RASGEF1A: variants seen among roughly 807,000 people sequenced by gnomAD.
The protein encoded by RASGEF1A is RasGEF domain family member 1A.
A neutral mutation model predicts 56.4 loss-of-function variants in RASGEF1A; 18 were observed. That is an observed-to-expected ratio of 0.32 (90% CI 0.22 to 0.47). The LOEUF (loss-of-function observed/expected upper bound fraction) is 0.47, where lower values mean the gene tolerates loss of function less well. Ranked by LOEUF, RASGEF1A falls within the 20% of genes least tolerant of loss-of-function variation. The probability of loss-of-function intolerance (pLI) is 1.00; values close to 1 mark genes in which losing one functional copy is unlikely to be tolerated. For synonymous variants in RASGEF1A, 245 were observed against 242.6 expected, an observed-to-expected ratio of 1.01 and a Z score of -0.09; for missense variants, 422 against 627.1, an observed-to-expected ratio of 0.67 and a Z score of 3.49.
rs776871690 is a variant in RASGEF1A at position 43,194,876 on chromosome 10, T to C, written c.*1368A>G. 5 of 152,652 alleles carry C rather than the reference T, an allele frequency of 3.3e-5. No homozygotes were observed. The highest frequency in any genetic ancestry group is 7.3e-5 in the Non-Finnish European group (5 of 68,056). The allele number at this position is 152,652 out of a possible 1,614,324, so 9.5% of individuals were successfully genotyped here. A position where few individuals can be genotyped will look rare whatever the true frequency, so the allele number is the denominator to read the frequency against. On this transcript the variant is annotated 3_prime_UTR_variant, in exon 13 of 13. Coordinates refer to ENST00000395810, the MANE Select transcript of RASGEF1A (RefSeq NM_145313.4). ...CTGTACTAGCTAGAACCTCAGAAAG[T>C]GCAAACACACTGTGACAATACAGTG...
chr10:43,266,773 G>C (rs1265619482), intron 1 of RASGEF1A, 72 bp downstream of exon 1: 1 of 145,812 alleles, frequency 6.9e-6, no homozygotes, highest in Middle Eastern at 3.5e-3. Context: ...TGCCCGCGCC[G>C]GCGACCGGAG....
At position 43,238,095 on chromosome 10, in the gene RASGEF1A, G is replaced by C. The variant is rs540956331; in HGVS notation, c.-7+28750C>G. On this transcript the variant is annotated intron_variant, in intron 1 of 12. Transcript: ENST00000395810. ...ATAGATTGAGACCCGCCTTTGGGGG[G>C]CGGAGGGAGGGGGGGTGCTGCAGAT... Among the ~76,000 whole-genome samples, 478 of 120,806 alleles carry C rather than the reference G, an allele frequency of 4.0e-3. 15 individuals are homozygous for C. Among genetic ancestry groups the C allele is most frequent in the Admixed American group, 0.038 (458 of 12,056 alleles). The allele number at this position is 120,806 out of a possible 152,430, so 79.3% of individuals were successfully genotyped here.
chr10:43,209,691 C>A (rs889774815), intron 1 of RASGEF1A, among the ~76,000 whole-genome samples: 4 of 94,160 alleles, frequency 4.2e-5, no homozygotes, highest in East Asian at 1.6e-3. Context: ...AGCCCCCCCA[C>A]CAGGGCTAGG....
intron 1 of RASGEF1A, among the ~76,000 whole-genome samples, chr10:43,255,774 G>A (rs560699073): frequency 6.6e-6 from 1 of 152,318 alleles, no homozygotes; most frequent in African/African-American, 2.4e-5. Context: ...GTAGGCACAA[G>A]TGTTGGCTCA....
intron 1 of RASGEF1A, among the ~76,000 whole-genome samples, chr10:43,257,857 A>G (rs1431552353): frequency 6.6e-6 from 1 of 152,194 alleles, no homozygotes; most frequent in Non-Finnish European, 1.5e-5. Flanking sequence ...TGTGTCCCCT[A>G]GGACTGACAG....
chr10:43,211,371 C>T (rs1332976554), intron 1 of RASGEF1A, among the ~76,000 whole-genome samples: 1 of 152,196 alleles, frequency 6.6e-6, no homozygotes, highest in Non-Finnish European at 1.5e-5. Flanking sequence ...GGGTCACACC[C>T]CTGACCTGCA....
chr10:43,196,451 T>G lies in RASGEF1A; in HGVS notation c.1421+25A>C, dbSNP rs781696669. 11 of 1,610,398 alleles carry G rather than the reference T, an allele frequency of 6.8e-6. No individual in the cohort carries two copies. Among genetic ancestry groups the G allele is most frequent in the African/African-American group, 1.3e-5 (1 of 74,800 alleles). ...TGAGTCCTCCCTCTTCCTTACAGAC[T>G]CCCATGTTCCTGACGCCCTCCTACC... On this transcript the variant is annotated intron_variant, in intron 12 of 12. Coordinates refer to ENST00000395810, the MANE Select transcript of RASGEF1A (RefSeq NM_145313.4). The surrounding 1 kb of genome is among the most constrained non-coding windows in gnomAD (Gnocchi z 4.6).
At chr10:43,250,141 G>C (rs1840610066) in intron 1 of RASGEF1A, among the ~76,000 whole-genome samples, 1 of 152,240 alleles carries the variant, frequency 6.6e-6, no homozygotes, top group Admixed American at 6.5e-5. Flanking sequence ...GACCGGTGCA[G>C]CTCCCTGCGA....
Position 43,199,780 on chromosome 10 carries a change from A to C in RASGEF1A, c.757-12T>G, listed in dbSNP as rs771626771. The C allele has an allele frequency of 2.2e-5, 35 of 1,610,048 alleles. No individual in the cohort carries two copies. In the African/African-American group the frequency reaches 3.3e-4, roughly 15 times the overall value. ...AGGTCCCCTCGGCACTGGAAAGGAC[A>C]CAGCAGGTCATAGGGGGCCTGGAGG... On this transcript the variant is annotated splice_polypyrimidine_tract_variant and intron_variant, in intron 6 of 12. Coordinates refer to ENST00000395810, the MANE Select transcript of RASGEF1A (RefSeq NM_145313.4).
chr10:43,200,302 G>A, intron 5 of RASGEF1A, 46 bp from the exon 6 acceptor site: 1 of 1,514,420 alleles, frequency 6.6e-7, no homozygotes, highest in African/African-American at 1.4e-5. Context: ...TTCCCCTGGA[G>A]AAGGGACAGC....
At chr10:43,246,325 G>A (rs1387345156) in intron 1 of RASGEF1A, among the ~76,000 whole-genome samples, 2 of 152,132 alleles carry the variant, frequency 1.3e-5, no homozygotes, top group Non-Finnish European at 2.9e-5. Context: ...TCTTCAGATG[G>A]CAATACTCCC....
chr10:43,196,341 C>G lies in RASGEF1A; in HGVS notation c.1422-73G>C. On this transcript the variant is annotated intron_variant, in intron 12 of 12. Coordinates refer to ENST00000395810, the MANE Select transcript of RASGEF1A (RefSeq NM_145313.4). The surrounding 1 kb of genome is among the most constrained non-coding windows in gnomAD (Gnocchi z 4.6). ...TGGGTCCAAGCCATCCTCAGCCTCC[C>G]ACCAAACATGCACCAGGGACCCTGG... The G allele has an allele frequency of 6.3e-7, 1 of 1,589,056 alleles. No individual in the cohort carries two copies. Among genetic ancestry groups the G allele is most frequent in the Non-Finnish European group, 8.6e-7 (1 of 1,158,878 alleles).
intron 1 of RASGEF1A, among the ~76,000 whole-genome samples, chr10:43,259,802 G>A (rs1836494100): frequency 1.3e-5 from 2 of 152,070 alleles, no homozygotes; most frequent in African/African-American, 4.8e-5. Flanking sequence ...CCCCACTGGG[G>A]CCATCCAGCT....
chr10:43,244,396 A>T (rs7358231), intron 1 of RASGEF1A, among the ~76,000 whole-genome samples: 4 of 2,714 alleles, frequency 1.5e-3, no homozygotes, highest in African/African-American at 1.6e-3. Context: ...TACTAAAAAT[A>T]AAAAAATTAA....
chr10:43,238,279 G>C (rs969572692), intron 1 of RASGEF1A, among the ~76,000 whole-genome samples: 2 of 152,208 alleles, frequency 1.3e-5, no homozygotes, highest in African/African-American at 4.8e-5. Context: ...ACCTGCCTTC[G>C]GGGGTGTTGT....
rs760703907 is a variant in RASGEF1A at position 43,196,514 on chromosome 10, G to A, written c.1383C>T (p.Pro461=). Residue 461 remains proline, a synonymous_variant, in exon 12 of 13, where the codon CCC becomes CCT. Transcript: ENST00000395810. This position sits in a 1 kb window ranked among gnomAD's most constrained non-coding sequence, Gnocchi z 4.6. ...LFVASFESEG[P]ENHMEKDSWK... is the part of the protein sequence containing the mutation. ...AGCTGTCTTTTTCCATGTGGTTCTC[G>A]GGACCCTCACTTTCAAAGGAGGCGA... is the stretch of plus-strand genomic sequence containing the variant. The A allele has an allele frequency of 5.3e-5, 85 of 1,613,756 alleles. No individual in the cohort carries two copies. The highest frequency in any genetic ancestry group is 1.6e-4 in the Middle Eastern group (1 of 6,084).
chr10:43,207,788 C>G, intron 1 of RASGEF1A: 1 of 808,890 alleles, frequency 1.2e-6, no homozygotes, highest in Non-Finnish European at 1.5e-6. Context: ...TTCTGTACCC[C>G]AACGCGCTCT....
chr10:43,200,058 C>A (rs1839868404), intron 6 of RASGEF1A, 124 bp downstream of exon 6: 1 of 778,136 alleles, frequency 1.3e-6, no homozygotes, highest in African/African-American at 1.7e-5. Context: ...TCCATCGGGG[C>A]TCATGGCCCA....
intron 1 of RASGEF1A, among the ~76,000 whole-genome samples, chr10:43,223,321 G>A (rs999867213): frequency 6.6e-6 from 1 of 152,260 alleles, no homozygotes; most frequent in South Asian, 2.1e-4. Flanking sequence ...TAAGCACAAT[G>A]TACTATAGTT....
Sources: allele counts gnomAD v4.1 joint callset (sites outside exome capture counted in the v4.1 genomes callset), GRCh38; gene constraint gnomAD v4.1.1; non-coding constraint Gnocchi (gnomAD v3.1); transcripts MANE v1.5; gene names NCBI Gene and HGNC (gene_info 2026-07-23, HGNC 2026-07-21).